KIAA1217: variants seen among roughly 807,000 people sequenced by gnomAD.
KIAA1217 encodes KIAA1217.
A neutral mutation model predicts 163.9 loss-of-function variants in KIAA1217; 88 were observed. That is an observed-to-expected ratio of 0.54 (90% CI 0.45 to 0.64). The LOEUF is 0.64. KIAA1217 is among the 30% of genes least tolerant of loss of function. The pLI, the probability that KIAA1217 is intolerant of heterozygous loss-of-function variation, is 0.00. For synonymous variants in KIAA1217, 903 were observed against 923.1 expected, an observed-to-expected ratio of 0.98 and a Z score of 0.39; for missense variants, 2,372 against 2,475.0, an observed-to-expected ratio of 0.96 and a Z score of 0.88.
intron 2 of KIAA1217, among the ~76,000 whole-genome samples, chr10:24,311,771 A>G (rs1242272908): frequency 1.3e-5 from 2 of 152,112 alleles, no homozygotes; most frequent in Non-Finnish European, 2.9e-5. Context: ...TCTTGGGAAA[A>G]AAAAGTCTCC....
chr10:23,965,073 T>G (rs1845002104), intron 1 of KIAA1217, among the ~76,000 whole-genome samples: 1 of 152,094 alleles, frequency 6.6e-6, no homozygotes, highest in Non-Finnish European at 1.5e-5. Flanking sequence ...CACTGTGGAG[T>G]TGCAGCATTT....
chr10:24,093,059 T>G (rs1340986227), intron 2 of KIAA1217, among the ~76,000 whole-genome samples: 1 of 151,580 alleles, frequency 6.6e-6, no homozygotes, highest in Admixed American at 6.6e-5. Flanking sequence ...AGTAGCATGA[T>G]CTCGACTCAC....
rs1470277961 is a variant in KIAA1217 at position 24,510,145 on chromosome 10, G to A, written c.2002-3114G>A. On this transcript the variant is annotated intron_variant, in intron 9 of 20. Transcript: ENST00000376454. ...CTTGATAGAAGAACAACTTGGGGTG[G>A]TGGGGAAATTGATGAGTTGAATTCA... Among the ~76,000 whole-genome samples the A allele has an allele frequency of 2.6e-5, 4 of 152,162 alleles. No homozygotes were observed. In the East Asian group the frequency reaches 7.7e-4, roughly 29 times the overall value.
chr10:23,884,285 AT>A, intron 1 of KIAA1217, among the ~76,000 whole-genome samples: 1 of 152,048 alleles, frequency 6.6e-6, no homozygotes, highest in South Asian at 2.1e-4. Flanking sequence ...GTTGTCCGTG[AT>A]TTGGATTTTG....
intron 1 of KIAA1217, among the ~76,000 whole-genome samples, chr10:23,900,870 T>A (rs1453794333): frequency 6.6e-6 from 1 of 152,138 alleles, no homozygotes; most frequent in Non-Finnish European, 1.5e-5. Context: ...TATCCATCCA[T>A]TACTCACCTG....
chr10:24,353,932 C>A (rs1207948082), intron 2 of KIAA1217, among the ~76,000 whole-genome samples: 1 of 152,186 alleles, frequency 6.6e-6, no homozygotes, highest in Non-Finnish European at 1.5e-5. Flanking sequence ...CTCCAGCTGG[C>A]AGAGTGTATG....
intron 2 of KIAA1217, among the ~76,000 whole-genome samples, chr10:24,182,369 G>T (rs1042937106): frequency 1.3e-5 from 2 of 151,656 alleles, no homozygotes; most frequent in African/African-American, 4.8e-5. Flanking sequence ...CCGGGGAGGT[G>T]GGGGGAGGGC....
intron 2 of KIAA1217, among the ~76,000 whole-genome samples, chr10:24,334,525 A>G (rs979946201): frequency 6.6e-6 from 1 of 152,036 alleles, no homozygotes; most frequent in Non-Finnish European, 1.5e-5. Flanking sequence ...TATCACAACT[A>G]TGCCTTCAGC....
rs1437865107 is a variant in KIAA1217, at chr10:23,704,154, G to A, written c.-321+8920G>A. On this transcript the variant is annotated intron_variant, in intron 1 of 18. Transcript: ENST00000376462. The stretch of plus-strand genomic sequence containing the variant: ...CATGTATGTGTGTGTGTATGTGTGT[G>A]TGTGTGTGTGTGTGTGTGTATATAT... 1.8e-4 allele frequency among the ~76,000 whole-genome samples: 13 copies of A among 71,924 alleles called. 1 individual carries two copies. Among genetic ancestry groups the A allele is most frequent in the Middle Eastern group, 0.011 (2 of 178 alleles). The allele number at this position is 71,924 out of a possible 152,430, so 47.2% of individuals were successfully genotyped here.
chr10:24,221,618 G>A (rs1000197326), intron 2 of KIAA1217, among the ~76,000 whole-genome samples: 2 of 152,116 alleles, frequency 1.3e-5, no homozygotes, highest in Admixed American at 6.5e-5. Flanking sequence ...AATGTGAAAC[G>A]TGCTTTATGG....
chr10:24,185,815 C>A (rs896959885), intron 2 of KIAA1217, among the ~76,000 whole-genome samples: 1 of 151,552 alleles, frequency 6.6e-6, no homozygotes, highest in Admixed American at 6.6e-5. Context: ...AATTGCAAAA[C>A]TTAGCGGAAT....
intron 1 of KIAA1217, among the ~76,000 whole-genome samples, chr10:23,875,759 C>T (rs1014164376): frequency 5.3e-5 from 8 of 151,998 alleles, no homozygotes; most frequent in Non-Finnish European, 1.2e-4. Flanking sequence ...CCATGGAATA[C>T]TATGTAGCCA....
chr10:23,894,089 A>T (rs1841558437), intron 1 of KIAA1217, among the ~76,000 whole-genome samples: 1 of 151,450 alleles, frequency 6.6e-6, no homozygotes, highest in South Asian at 2.1e-4. Context: ...CAAGACAGGG[A>T]TGCCCTCTCT....
At chr10:23,707,690 T>A (rs552432151) in intron 1 of KIAA1217, among the ~76,000 whole-genome samples, 8 of 152,156 alleles carry the variant, frequency 5.3e-5, no homozygotes, top group Non-Finnish European at 1.2e-4. Flanking sequence ...ACACAATATA[T>A]CCTTGTAAGA....
chr10:23,794,552 C>T (rs1048956929), intron 1 of KIAA1217, among the ~76,000 whole-genome samples: 7 of 152,118 alleles, frequency 4.6e-5, no homozygotes, highest in South Asian at 2.1e-4. Context: ...TCTCTTTTAG[C>T]GAGGTTTTGA....
intron 1 of KIAA1217, among the ~76,000 whole-genome samples, chr10:24,006,102 A>G (rs1846984819): frequency 6.6e-6 from 1 of 152,246 alleles, no homozygotes; most frequent in Non-Finnish European, 1.5e-5. Flanking sequence ...AACTTTAAGT[A>G]TGACAATATT....
chr10:24,470,544 A>G (rs758374235), intron 5 of KIAA1217, among the ~76,000 whole-genome samples: 18 of 152,182 alleles, frequency 1.2e-4, no homozygotes, highest in Non-Finnish European at 2.1e-4. Flanking sequence ...GGACAGCATC[A>G]GGATATCACA....
Position 23,781,173 on chromosome 10 carries a change from A to G in KIAA1217, c.-321+85939A>G, listed in dbSNP as rs187179069. Among the ~76,000 whole-genome samples the G allele has an allele frequency of 5.3e-4, 80 of 152,304 alleles. 2 individuals are homozygous for G. Among genetic ancestry groups the G allele is most frequent in the Admixed American group, 3.4e-3 (52 of 15,296 alleles). On this transcript the variant is annotated intron_variant, in intron 1 of 18. Transcript: ENST00000376462. Reference sequence around the variant, plus strand: ...TAGTAGTTCTGTTTTTAACTTTTTGAGGAACCTCTAAACTGTTTTCCATAA... The same window carrying G: ...TAGTAGTTCTGTTTTTAACTTTTTGGGGAACCTCTAAACTGTTTTCCATAA...
intron 2 of KIAA1217, among the ~76,000 whole-genome samples, chr10:24,192,840 G>A (rs1315505348): frequency 2.6e-5 from 4 of 152,232 alleles, no homozygotes; most frequent in Non-Finnish European, 4.4e-5. Context: ...ATGCCTGGTA[G>A]TGCAATCATA....
Sources: allele counts gnomAD v4.1 joint callset (sites outside exome capture counted in the v4.1 genomes callset), GRCh38; gene constraint gnomAD v4.1.1; transcripts MANE v1.5; gene names NCBI Gene and HGNC (gene_info 2026-07-23, HGNC 2026-07-21).